CSGALNACT1: variants seen among roughly 807,000 people sequenced by gnomAD.
CSGALNACT1 encodes the protein beta4GalNAcT-1.
In CSGALNACT1, 52 loss-of-function variants were observed where a neutral mutation model predicts 51.0. That is an observed-to-expected ratio of 1.02 (90% CI 0.82 to 1.29). The LOEUF (loss-of-function observed/expected upper bound fraction) is 1.29. CSGALNACT1 is among the 50% of genes most tolerant of loss of function. The pLI, the probability that CSGALNACT1 is intolerant of heterozygous loss-of-function variation, is 0.00. For synonymous variants in CSGALNACT1, 341 were observed against 254.4 expected, an observed-to-expected ratio of 1.34 and a Z score of -3.24; for missense variants, 935 against 679.2, an observed-to-expected ratio of 1.38 and a Z score of -4.19.
chr8:19,425,941 T>C lies in CSGALNACT1; in HGVS notation c.954-5423A>G, dbSNP rs955147715. ...CGCCGCAAACTTACAGTGCGCACTC[T>C]GAGCTCCCAACATTTGACCCAGCCC... On this transcript the variant is annotated intron_variant, in intron 6 of 9. Transcript: ENST00000454498. 3.9e-5 allele frequency among the ~76,000 whole-genome samples: 6 copies of C among 152,172 alleles called. No homozygotes were observed. The South Asian group carries it at 8.3e-4, about 21-fold the overall frequency.
chr8:19,505,585 CCTT>C, exon 4 of CSGALNACT1: 1 of 1,614,082 alleles, frequency 6.2e-7, no homozygotes, highest in Non-Finnish European at 8.5e-7. Flanking sequence ...TGCAGCTCCT[CCTT>C]GAGCTGTGCG....
intron 4 of CSGALNACT1, among the ~76,000 whole-genome samples, chr8:19,493,714 T>C (rs2074879999): frequency 6.6e-6 from 1 of 152,236 alleles, no homozygotes; most frequent in African/African-American, 2.4e-5. Context: ...TTGCATGCAA[T>C]TCCACATTCT....
At chr8:19,481,384 A>G (rs1288128066) in intron 4 of CSGALNACT1, among the ~76,000 whole-genome samples, 1 of 152,146 alleles carries the variant, frequency 6.6e-6, no homozygotes, top group Non-Finnish European at 1.5e-5. Context: ...ATCTTATTCA[A>G]AAATCTTGAC....
At chr8:19,687,289 C>T (rs2061030863), upstream of CSGALNACT1, among the ~76,000 whole-genome samples, 1 of 152,062 alleles carries the variant, frequency 6.6e-6, no homozygotes, top group African/African-American at 2.4e-5. Context: ...TCTATGATCA[C>T]TTAAACACAC....
chr8:19,543,102 C>G (rs961253077), intron 3 of CSGALNACT1, among the ~76,000 whole-genome samples: 2 of 152,116 alleles, frequency 1.3e-5, no homozygotes, highest in Admixed American at 6.5e-5. Context: ...TTATAACTAA[C>G]AAATACTAGG....
chr8:19,587,637 C>A (rs1013311734), intron 3 of CSGALNACT1, among the ~76,000 whole-genome samples: 1 of 152,214 alleles, frequency 6.6e-6, no homozygotes, highest in African/African-American at 2.4e-5. Context: ...CCTATAAGTA[C>A]CTTATTACAT....
At chr8:19,467,413 A>G (rs6989007) in intron 4 of CSGALNACT1, among the ~76,000 whole-genome samples, 25,828 of 151,660 alleles carry the variant, frequency 0.17, 2,430 homozygotes, top group African/African-American at 0.24. Flanking sequence ...GAGCCACCTC[A>G]CCTGGCCAGT....
intron 4 of CSGALNACT1, among the ~76,000 whole-genome samples, chr8:19,472,586 C>G (rs2068447957): frequency 6.6e-6 from 1 of 152,174 alleles, no homozygotes; most frequent in South Asian, 2.1e-4. Flanking sequence ...GCTCCCAGAC[C>G]AAAGGGCACA....
chr8:19,516,551 T>G (rs911412052), intron 3 of CSGALNACT1, among the ~76,000 whole-genome samples: 6 of 152,214 alleles, frequency 3.9e-5, no homozygotes, highest in African/African-American at 1.4e-4. Flanking sequence ...AGCCGTGATC[T>G]GCATTTACAC....
At chr8:19,582,322 A>G (rs745475821) in intron 3 of CSGALNACT1, among the ~76,000 whole-genome samples, 7 of 152,248 alleles carry the variant, frequency 4.6e-5, no homozygotes, top group African/African-American at 1.4e-4. Flanking sequence ...AACACTTCCA[A>G]TGAAAGACTA....
At chr8:19,473,824 T>G (rs1416032840) in intron 4 of CSGALNACT1, among the ~76,000 whole-genome samples, 1 of 152,222 alleles carries the variant, frequency 6.6e-6, no homozygotes, top group Non-Finnish European at 1.5e-5. Context: ...GTGGAACTTC[T>G]AAATGACAGA....
At chr8:19,405,161 T>C (rs2053902935) in exon 10 of CSGALNACT1, 2 of 447,610 alleles carry the variant, frequency 4.5e-6, no homozygotes, top group Non-Finnish European at 4.4e-6. Flanking sequence ...CATTTTTAAA[T>C]AAAAGAAAAA....
intron 8 of CSGALNACT1, among the ~76,000 whole-genome samples, chr8:19,408,949 A>AACACACATACACACACACACACAC (rs2054969059): frequency 7.0e-6 from 1 of 142,216 alleles, no homozygotes; most frequent in Non-Finnish European, 1.5e-5. Context: ...TAGATATGAA[A>AACACACATACACACACACACACAC]ACACACACAC....
At chr8:19,614,831 T>G (rs1458714370) in intron 1 of CSGALNACT1, among the ~76,000 whole-genome samples, 2 of 152,246 alleles carry the variant, frequency 1.3e-5, no homozygotes, top group Admixed American at 1.3e-4. Flanking sequence ...TACACGGTGC[T>G]GCCCTTGCTG....
In CSGALNACT1 at chr8:19,724,934, C is replaced by T. The variant is rs567445191; in HGVS notation, c.-297+32916G>A. On this transcript the variant is annotated intron_variant, in intron 1 of 1. Coordinates refer to the CSGALNACT1 transcript ENST00000517494. ...TGATGGATGACTATCCACCATCCCA[C>T]GTAAGCAGAGAGCTGCGCCCTCAGC... 6.2e-4 allele frequency among the ~76,000 whole-genome samples: 94 copies of T among 152,324 alleles called. 1 individual carries two copies. In the South Asian group the frequency reaches 0.017, roughly 27 times the overall value.
intron 2 of CSGALNACT1, among the ~76,000 whole-genome samples, chr8:19,593,638 A>G (rs923412523): frequency 9.2e-5 from 14 of 152,240 alleles, no homozygotes; most frequent in Non-Finnish European, 1.9e-4. Flanking sequence ...CAGGGTATGA[A>G]TAACATCAGG....
At chr8:19,587,620 C>A (rs2046932061) in intron 3 of CSGALNACT1, among the ~76,000 whole-genome samples, 1 of 152,118 alleles carries the variant, frequency 6.6e-6, no homozygotes, top group Non-Finnish European at 1.5e-5. Flanking sequence ...CTTAGCAATA[C>A]CACAAACCTA....
At chr8:19,519,259 AC>A (rs1035217162) in intron 3 of CSGALNACT1, among the ~76,000 whole-genome samples, 1 of 151,994 alleles carries the variant, frequency 6.6e-6, no homozygotes, top group Admixed American at 6.6e-5. Flanking sequence ...TCTCACTTAA[AC>A]CTCATAATAA....
At chr8:19,721,072 A>G (rs2063101030) in intron 1 of CSGALNACT1, among the ~76,000 whole-genome samples, 1 of 152,356 alleles carries the variant, frequency 6.6e-6, no homozygotes, top group South Asian at 2.1e-4. Context: ...ACCAAACAGT[A>G]TAGCCAGCCC....
Sources: allele counts gnomAD v4.1 joint callset (sites outside exome capture counted in the v4.1 genomes callset), GRCh38; gene constraint gnomAD v4.1.1; transcripts MANE v1.5; gene names NCBI Gene and HGNC (gene_info 2026-07-23, HGNC 2026-07-21).